GPR137B: variants seen among roughly 807,000 people sequenced by gnomAD.
GPR137B encodes the protein integral membrane protein GPR137B.
In GPR137B, 42 loss-of-function variants were observed where a neutral mutation model predicts 42.5. The observed-to-expected ratio is 0.99, with a 90% CI of 0.77 to 1.28. The LOEUF is 1.28. GPR137B is among the 50% of genes most tolerant of loss of function. The pLI, the probability that GPR137B is intolerant of heterozygous loss-of-function variation, is 0.00. For missense variants in GPR137B, 487 were observed against 493.9 expected, an observed-to-expected ratio of 0.99 and a Z score of 0.13; for synonymous variants, 218 against 209.7, an observed-to-expected ratio of 1.04 and a Z score of -0.34.
chr1:236,162,227 A>T (rs1354900048), intron 1 of GPR137B, among the ~76,000 whole-genome samples: 1 of 152,142 alleles, frequency 6.6e-6, no homozygotes, highest in South Asian at 2.1e-4. Flanking sequence ...TGCCCTAGAG[A>T]TTTGTGGAAC....
chr1:236,196,319 T>C (rs1305588698), intron 5 of GPR137B, among the ~76,000 whole-genome samples: 1 of 152,108 alleles, frequency 6.6e-6, no homozygotes, highest in African/African-American at 2.4e-5. Flanking sequence ...TTTGTATTTT[T>C]GGTATAGATG....
chr1:236,202,470 A>G (rs879704896), intron 5 of GPR137B, among the ~76,000 whole-genome samples: 1 of 151,914 alleles, frequency 6.6e-6, no homozygotes, highest in Non-Finnish European at 1.5e-5. Context: ...GTGTCTGTGA[A>G]TTCCTTCAGT....
At chr1:236,200,308 A>G (rs531339763) in intron 5 of GPR137B, among the ~76,000 whole-genome samples, 2 of 152,180 alleles carry the variant, frequency 1.3e-5, no homozygotes, top group African/African-American at 4.8e-5. Context: ...GTGCCAATGA[A>G]AAGAATGTAT....
At chr1:236,169,643 T>C (rs1247762843) in intron 2 of GPR137B, among the ~76,000 whole-genome samples, 1 of 151,998 alleles carries the variant, frequency 6.6e-6, no homozygotes, top group Non-Finnish European at 1.5e-5. Flanking sequence ...TCTTAAGTTA[T>C]GTGAGGAGGG....
chr1:236,146,668 C>G (rs1661691362), intron 1 of GPR137B, among the ~76,000 whole-genome samples: 1 of 152,204 alleles, frequency 6.6e-6, no homozygotes, highest in Non-Finnish European at 1.5e-5. Flanking sequence ...CCCGGCTGCC[C>G]TTGGGTACAC....
intron 6 of GPR137B, among the ~76,000 whole-genome samples, chr1:236,207,573 C>T (rs888019350): frequency 6.6e-6 from 1 of 152,182 alleles, no homozygotes; most frequent in African/African-American, 2.4e-5. Context: ...AAACGACTTA[C>T]GTGTATTGAG....
chr1:236,182,512 A>C (rs188102532), intron 4 of GPR137B, among the ~76,000 whole-genome samples: 92 of 152,194 alleles, frequency 6.0e-4, no homozygotes, highest in African/African-American at 2.0e-3. Context: ...TTTTGGGAGG[A>C]TCACTTGAGG....
At position 236,189,829 on chromosome 1, in the gene GPR137B, C is replaced by T. The variant is rs568993466; in HGVS notation, c.966+5923C>T. Among the ~76,000 whole-genome samples, 11 of 152,184 alleles carry T rather than the reference C, an allele frequency of 7.2e-5. No individual in the cohort carries two copies. The South Asian group carries it at 1.0e-3, about 14-fold the overall frequency. On this transcript the variant is annotated intron_variant, in intron 5 of 6. Coordinates refer to ENST00000366592, the MANE Select transcript of GPR137B (RefSeq NM_003272.4). ...GAGTTCTGTAGATGTCTGCTAGGTC[C>T]GCTTGGTCTAGAGCTGAGTTCAAGT...
intron 1 of GPR137B, among the ~76,000 whole-genome samples, chr1:236,148,495 G>T (rs994014733): frequency 6.6e-6 from 1 of 152,234 alleles, no homozygotes; most frequent in Non-Finnish European, 1.5e-5. Context: ...CATGGTTTGC[G>T]GAAGGAAATG....
chr1:236,151,417 C>CCTTTT lies in GPR137B; in HGVS notation c.414+8381_414+8382insCTTTT, dbSNP rs1405128961. On this transcript the variant is annotated intron_variant, in intron 1 of 6. Coordinates refer to ENST00000366592, the MANE Select transcript of GPR137B (RefSeq NM_003272.4). ...CCACATATGGTCTCTGTTGCATATT[C>CCTTTT]ATTTTTTTTTTTTTTTTTTTTTTTT... Among the ~76,000 whole-genome samples, 11 of 126,568 alleles carry CCTTTT rather than the reference C, an allele frequency of 8.7e-5. 1 individual carries two copies. Among genetic ancestry groups the CCTTTT allele is most frequent in the South Asian group, 2.7e-4 (1 of 3,754 alleles). 83.0% of individuals were successfully genotyped at this position (126,568 alleles called of 152,430 possible). A position where few individuals can be genotyped will look rare whatever the true frequency, so the allele number is the denominator to read the frequency against.
intron 1 of GPR137B, among the ~76,000 whole-genome samples, chr1:236,163,442 G>A (rs945986432): frequency 1.3e-5 from 2 of 152,152 alleles, no homozygotes; most frequent in African/African-American, 4.8e-5. Flanking sequence ...TGAAATGTGA[G>A]GACGTGAGAT....
rs947807488 is a variant in GPR137B, at chr1:236,155,163, A to G, written c.414+12127A>G. Among the ~76,000 whole-genome samples the G allele has an allele frequency of 9.8e-5, 15 of 152,360 alleles. No homozygotes were observed. The highest frequency in any genetic ancestry group is 3.6e-4 in the African/African-American group (15 of 41,586). On this transcript the variant is annotated intron_variant, in intron 1 of 6. Coordinates refer to ENST00000366592, the MANE Select transcript of GPR137B (RefSeq NM_003272.4). This position sits in a 1 kb window ranked among gnomAD's most constrained non-coding sequence, Gnocchi z 4.6. ...CCACCCAGGCAGTGGGCAGGCGGGCAGGTCCGTGCGCTTCTGTGGCTGAAG... is the reference window on the plus strand; with the variant it reads ...CCACCCAGGCAGTGGGCAGGCGGGCGGGTCCGTGCGCTTCTGTGGCTGAAG...
chr1:236,168,826 T>C (rs763623582), intron 2 of GPR137B, 71 bp downstream of exon 2: 55 of 1,128,246 alleles, frequency 4.9e-5, no homozygotes, highest in Non-Finnish European at 6.4e-5. Flanking sequence ...CATCTCTCCA[T>C]TGGGGTTTGC....
intron 5 of GPR137B, among the ~76,000 whole-genome samples, chr1:236,199,779 T>G (rs1663442594): frequency 6.6e-6 from 1 of 152,062 alleles, no homozygotes; most frequent in Non-Finnish European, 1.5e-5. Flanking sequence ...GGTCTATCAA[T>G]TTTGTTTATC....
At chr1:236,195,621 C>T (rs186841877) in intron 5 of GPR137B, among the ~76,000 whole-genome samples, 1 of 152,160 alleles carries the variant, frequency 6.6e-6, no homozygotes, top group Admixed American at 6.5e-5. Context: ...TGGGTAGATA[C>T]CAGCAGTGGG....
At chr1:236,190,888 G>C (rs1288023786) in intron 5 of GPR137B, among the ~76,000 whole-genome samples, 2 of 152,144 alleles carry the variant, frequency 1.3e-5, no homozygotes, top group African/African-American at 4.8e-5. Flanking sequence ...ATGTTGGCCT[G>C]TCTTGCTAGG....
intron 1 of GPR137B, among the ~76,000 whole-genome samples, chr1:236,145,915 T>G (rs1474828378): frequency 6.6e-6 from 1 of 152,160 alleles, no homozygotes; most frequent in Admixed American, 6.5e-5. Context: ...AGCCTTGCTT[T>G]GTGGTGATCT....
intron 5 of GPR137B, among the ~76,000 whole-genome samples, chr1:236,201,677 G>T (rs1395935050): frequency 1.3e-5 from 2 of 151,914 alleles, no homozygotes; most frequent in Admixed American, 6.6e-5. Flanking sequence ...TTTTAAAAAA[G>T]AGTACTTAAG....
intron 5 of GPR137B, among the ~76,000 whole-genome samples, chr1:236,201,623 TTATTA>T (rs990486449): frequency 2.6e-5 from 4 of 152,098 alleles, no homozygotes; most frequent in African/African-American, 9.7e-5. Flanking sequence ...TGACAGTTTT[TTATTA>T]TATCTGTTTC....
Sources: gnomAD v4.1 joint callset for allele counts (sites outside exome capture counted in the v4.1 genomes callset) on GRCh38, gnomAD v4.1.1 for gene constraint, Gnocchi (gnomAD v3.1) non-coding constraint, MANE v1.5 for transcripts, NCBI Gene and HGNC (gene_info 2026-07-23, HGNC 2026-07-21) for gene names.